Variants in TAF15 observed in about 807,000 individuals in gnomAD.
The protein encoded by TAF15 is TATA-box binding protein associated factor 15, also known as TATA-binding protein-associated factor 2N.
A neutral mutation model predicts 102.5 loss-of-function variants in TAF15; 37 were observed. The ratio of observed to expected loss-of-function variants is 0.36; its 90% CI spans 0.28 to 0.47. The LOEUF (loss-of-function observed/expected upper bound fraction) is 0.47, where lower values mean the gene tolerates loss of function less well. TAF15 is among the 20% of genes least tolerant of loss of function. The pLI is 0.99. For missense variants in TAF15, 652 were observed against 760.7 expected, an observed-to-expected ratio of 0.86 and a Z score of 1.68; for synonymous variants, 273 against 259.2, an observed-to-expected ratio of 1.05 and a Z score of -0.51.
chr17:35,845,455 T>C (rs1395756156), intron 15 of TAF15, among the ~76,000 whole-genome samples: 1 of 152,048 alleles, frequency 6.6e-6, no homozygotes, highest in Non-Finnish European at 1.5e-5. Flanking sequence ...AGGGTCTCAC[T>C]ATGTTGCCCA....
chr17:35,820,054 A>G lies in TAF15; in HGVS notation c.78A>G (p.Gln26=), dbSNP rs2087240820. 6.2e-7 allele frequency: 1 copy of G among 1,614,092 alleles called. No individual in the cohort carries two copies. The highest frequency in any genetic ancestry group is 1.1e-5 in the South Asian group (1 of 91,078). The part of the protein sequence containing the change: ...SYSTYGNPGS[Q]GYGQASQSYS... ...CTACCTATGGAAATCCAGGCAGCCA[A>G]GGCTATGGACAAGCATCACAAGTAG... Residue 26 remains glutamine (Q), a synonymous_variant, in exon 3 of 16, where the codon CAA becomes CAG. Transcript: ENST00000605844.
intron 1 of TAF15, chr17:35,810,493 A>G (rs2087112703): frequency 1.3e-5 from 2 of 152,246 alleles, no homozygotes; most frequent in Non-Finnish European, 2.9e-5. Flanking sequence ...TAGCAGATCT[A>G]GCTGTTCACA....
chr17:35,827,145 G>A (rs956672227), intron 7 of TAF15, among the ~76,000 whole-genome samples: 5 of 151,588 alleles, frequency 3.3e-5, no homozygotes, highest in South Asian at 2.1e-4. Context: ...TAATCCCAGC[G>A]CTTTGGGAGG....
intron 11 of TAF15, among the ~76,000 whole-genome samples, chr17:35,841,826 T>C (rs994201654): frequency 1.3e-5 from 2 of 151,864 alleles, no homozygotes. Flanking sequence ...GCCTTCTGAG[T>C]AGCTAGGACT....
chr17:35,826,773 A>C (rs1352349627), intron 7 of TAF15, among the ~76,000 whole-genome samples: 1 of 139,188 alleles, frequency 7.2e-6, no homozygotes, highest in Non-Finnish European at 1.5e-5. Flanking sequence ...TCACCGTGTT[A>C]GCTAGGATGG....
In TAF15 at chr17:35,844,069, C is replaced by T. The variant is rs754584555; in HGVS notation, c.1007-8C>T. On this transcript the variant is annotated splice_polypyrimidine_tract_variant and splice_region_variant and intron_variant, in intron 12 of 15. Transcript: ENST00000605844. ...GCTGATTTTTCTCCCCTGGCCCCATCCCCCTAGGCCGTGGAGGATATAGAG... is the reference window on the plus strand; with the variant it reads ...GCTGATTTTTCTCCCCTGGCCCCATTCCCCTAGGCCGTGGAGGATATAGAG... 6.2e-7 allele frequency: 1 copy of T among 1,613,762 alleles called. No homozygotes were observed. The highest frequency in any genetic ancestry group is 8.5e-7 in the Non-Finnish European group (1 of 1,179,690).
intron 7 of TAF15, among the ~76,000 whole-genome samples, chr17:35,833,226 T>A (rs1388952396): frequency 6.6e-6 from 1 of 152,044 alleles, no homozygotes; most frequent in East Asian, 1.9e-4. Context: ...ACTGATAGTG[T>A]ACAGAGCATG....
Position 35,847,156 on chromosome 17 carries a change from G to A in TAF15, c.*211G>A, listed in dbSNP as rs888678197. ...TTTCCAACCTTCTCCCCAACCCTTGGAGCTAAATGCGTTGTAAAATATTGC... is the reference window on the plus strand; with the variant it reads ...TTTCCAACCTTCTCCCCAACCCTTGAAGCTAAATGCGTTGTAAAATATTGC... On this transcript the variant is annotated 3_prime_UTR_variant, in exon 16 of 16. Transcript: ENST00000605844. 3.2e-6 allele frequency: 2 copies of A among 624,672 alleles called. No individual in the cohort carries two copies. Among genetic ancestry groups the A allele is most frequent in the Non-Finnish European group, 5.6e-6 (2 of 354,106 alleles). 38.7% of individuals were successfully genotyped at this position (624,672 alleles called of 1,614,324 possible).
rs777794187 is a variant in TAF15, at chr17:35,809,555, C to G, written c.-15C>G. ...CTCGGCGGGCTGTGGGGCCTCCGCG[C>G]CGCGGCCGTTAGTCATGTCGGGTAG... On this transcript the variant is annotated 5_prime_UTR_variant, in exon 1 of 16. Coordinates refer to ENST00000605844, the MANE Select transcript of TAF15 (RefSeq NM_139215.3). 6.2e-7 allele frequency: 1 copy of G among 1,613,250 alleles called. No individual in the cohort carries two copies. The highest frequency in any genetic ancestry group is 8.5e-7 in the Non-Finnish European group (1 of 1,179,838).
At chr17:35,822,045 T>A (rs11650668) in intron 5 of TAF15, among the ~76,000 whole-genome samples, 40,208 of 151,536 alleles carry the variant, frequency 0.27, 6,320 homozygotes, top group African/African-American at 0.44. Context: ...TTTTTTTTTT[T>A]AATTCATAGA....
intron 7 of TAF15, among the ~76,000 whole-genome samples, chr17:35,827,899 T>C (rs1324838635): frequency 6.6e-6 from 1 of 152,192 alleles, no homozygotes; most frequent in African/African-American, 2.4e-5. Flanking sequence ...GGAAACTTAA[T>C]CTTTTTCTTT....
chr17:35,813,992 T>TG (rs1555615224), intron 1 of TAF15, among the ~76,000 whole-genome samples: 12 of 137,720 alleles, frequency 8.7e-5, no homozygotes, highest in East Asian at 2.0e-4. Context: ...TTCTGTTTTT[T>TG]TTGTTGTTGT....
At chr17:35,815,253 T>C (rs1187168199) in intron 1 of TAF15, among the ~76,000 whole-genome samples, 1 of 150,634 alleles carries the variant, frequency 6.6e-6, no homozygotes, top group African/African-American at 2.4e-5. Context: ...AAAAGCACTT[T>C]AAATTTAAAT....
rs867719435 is a variant in TAF15 at position 35,839,405 on chromosome 17, G to A, written c.913+852G>A. 3.0e-3 allele frequency among the ~76,000 whole-genome samples: 315 copies of A among 105,108 alleles called. 1 individual carries two copies. The highest frequency in any genetic ancestry group is 0.012 in the African/African-American group (290 of 24,104). 69.0% of individuals were successfully genotyped at this position (105,108 alleles called of 152,430 possible). A position where few individuals can be genotyped will look rare whatever the true frequency, so the allele number is the denominator to read the frequency against. ...TTTTTTTTTTTTTTTTTTTTGAGAC[G>A]GAGTCTCGCTTTGTCTCCCGGGCTG... On this transcript the variant is annotated intron_variant, in intron 11 of 15. Transcript: ENST00000605844.
In TAF15 at chr17:35,840,219, C is replaced by T. The variant is rs79483524; in HGVS notation, c.913+1666C>T. Among the ~76,000 whole-genome samples, 454 of 146,996 alleles carry T rather than the reference C, an allele frequency of 3.1e-3. 5 individuals are homozygous for T. Among genetic ancestry groups the T allele is most frequent in the African/African-American group, 0.011 (419 of 39,742 alleles). On this transcript the variant is annotated intron_variant, in intron 11 of 15. Transcript: ENST00000605844. ...AGTTTCAAGATTATTGTACCTCCAT[C>T]TTCCAAAAACATAATTGCGTTATTT...
At chr17:35,827,934 AAG>A (rs1359139646) in intron 7 of TAF15, among the ~76,000 whole-genome samples, 9 of 152,228 alleles carry the variant, frequency 5.9e-5, no homozygotes, top group African/African-American at 1.9e-4. Flanking sequence ...AGCAAAAAAA[AAG>A]AAAATTTCTT....
intron 6 of TAF15, chr17:35,823,555 AT>A (rs1385485864): frequency 2.4e-5 from 4 of 167,098 alleles, no homozygotes; most frequent in Non-Finnish European, 5.2e-5. Context: ...AAAAAAAAAA[AT>A]TAGCCAGGCA....
chr17:35,837,921 A>T (rs2087495984), intron 10 of TAF15, among the ~76,000 whole-genome samples: 2 of 152,102 alleles, frequency 1.3e-5, no homozygotes, highest in African/African-American at 4.8e-5. Flanking sequence ...TGATTCCTGT[A>T]ATCAGCACTT....
chr17:35,813,054 G>A (rs1270439511), intron 1 of TAF15, among the ~76,000 whole-genome samples: 1 of 148,468 alleles, frequency 6.7e-6, no homozygotes, highest in Non-Finnish European at 1.5e-5. Context: ...TTGAAGCTAG[G>A]AGGCAGAGGT....
Sources: allele counts gnomAD v4.1 joint callset (sites outside exome capture counted in the v4.1 genomes callset), GRCh38; gene constraint gnomAD v4.1.1; transcripts MANE v1.5; gene names NCBI Gene and HGNC (gene_info 2026-07-23, HGNC 2026-07-21).